CIMAP1D: variants seen among roughly 807,000 people sequenced by gnomAD.
The protein encoded by CIMAP1D is CIMAP1 family member D.
At chr19:468,944 C>T in the CIMAP1D span, among the ~76,000 whole-genome samples, 2 of 137,428 alleles carry the variant, frequency 1.5e-5, no homozygotes, top group Non-Finnish European at 3.2e-5. Context: ...CAGACCTCCC[C>T]GAAACGTCAT....
the CIMAP1D span, among the ~76,000 whole-genome samples, chr19:481,237 G>GA: frequency 6.9e-6 from 1 of 144,110 alleles, no homozygotes; most frequent in Admixed American, 6.8e-5. Flanking sequence ...AGGATGATGG[G>GA]AAGGATGATG....
the CIMAP1D span, chr19:472,339 T>C: frequency 3.7e-6 from 4 of 1,088,322 alleles, no homozygotes; most frequent in Non-Finnish European, 5.1e-6. Context: ...TCAGTGCTCC[T>C]GGGGGGAGAT....
At chr19:481,464 G>A in the CIMAP1D span, among the ~76,000 whole-genome samples, 3 of 107,792 alleles carry the variant, frequency 2.8e-5, no homozygotes, top group Non-Finnish European at 5.4e-5. Flanking sequence ...AGGATGATGG[G>A]AAGGATGATG....
At chr19:474,995 G>A in the CIMAP1D span, 10 of 401,392 alleles carry the variant, frequency 2.5e-5, no homozygotes, top group South Asian at 2.5e-4. Flanking sequence ...TCGGCCAGGC[G>A]GCTGGATGGT....
chr19:473,975 C>G, the CIMAP1D span, among the ~76,000 whole-genome samples: 8 of 149,750 alleles, frequency 5.3e-5, no homozygotes, highest in Non-Finnish European at 1.0e-4. Flanking sequence ...GATACACGGT[C>G]ACAGATGGGG....
the CIMAP1D span, among the ~76,000 whole-genome samples, chr19:488,094 C>T: frequency 8.5e-5 from 13 of 152,290 alleles, no homozygotes; most frequent in Admixed American, 3.3e-4. Context: ...ACAGGAATTG[C>T]TCACTCGGGG....
the CIMAP1D span, among the ~76,000 whole-genome samples, chr19:469,879 T>C: frequency 4.0e-4 from 61 of 152,088 alleles, 1 homozygote; most frequent in South Asian, 5.4e-3. Context: ...CCTTCCAGCC[T>C]TTTCTTCTGC....
chr19:484,547 G>C, the CIMAP1D span, among the ~76,000 whole-genome samples: 1 of 152,198 alleles, frequency 6.6e-6, no homozygotes, highest in Non-Finnish European at 1.5e-5. Flanking sequence ...CTTCACATAC[G>C]GTGGCCAGGA....
chr19:481,454 A>G, the CIMAP1D span, among the ~76,000 whole-genome samples: 1 of 107,736 alleles, frequency 9.3e-6, no homozygotes, highest in Non-Finnish European at 1.8e-5. Flanking sequence ...ATGATGGGGA[A>G]GGATGATGGG....
At chr19:464,124 T>A in the CIMAP1D span, 13 of 522,830 alleles carry the variant, frequency 2.5e-5, no homozygotes, top group South Asian at 2.5e-4. Flanking sequence ...CTCAGCAGGA[T>A]CCTGCGGGGG....
the CIMAP1D span, among the ~76,000 whole-genome samples, chr19:481,567 A>C: frequency 7.3e-6 from 1 of 137,486 alleles, no homozygotes; most frequent in East Asian, 2.3e-4. Flanking sequence ...GATGGGAAGG[A>C]TGGTGGGAAG....
chr19:478,352 T>C, the CIMAP1D span, among the ~76,000 whole-genome samples: 4 of 96,690 alleles, frequency 4.1e-5, no homozygotes, highest in Non-Finnish European at 6.4e-5. Flanking sequence ...GCCAGAGACT[T>C]GGTTCCAGCC....
chr19:469,223 CTT>C, the CIMAP1D span, among the ~76,000 whole-genome samples: 13 of 143,386 alleles, frequency 9.1e-5, no homozygotes, highest in Non-Finnish European at 1.1e-4. Context: ...TGGGGAGATT[CTT>C]TTTTTTTTTT....
chr19:482,998 G>A, the CIMAP1D span, among the ~76,000 whole-genome samples: 1 of 152,180 alleles, frequency 6.6e-6, no homozygotes, highest in African/African-American at 2.4e-5. Flanking sequence ...CTGCACCACT[G>A]TGCATGTGTT....
the CIMAP1D span, among the ~76,000 whole-genome samples, chr19:479,622 C>T: frequency 6.6e-6 from 1 of 152,266 alleles, no homozygotes; most frequent in African/African-American, 2.4e-5. Context: ...CCAGGCTGGT[C>T]TCGATCTCCT....
At chr19:464,066 G>A in the CIMAP1D span, 958 of 1,578,670 alleles carry the variant, frequency 6.1e-4, 7 homozygotes, top group African/African-American at 0.011. Context: ...GCAGGCGCTG[G>A]CGGTAGGTGT....
the CIMAP1D span, among the ~76,000 whole-genome samples, chr19:483,360 G>T: frequency 2.0e-5 from 3 of 151,870 alleles, no homozygotes; most frequent in Non-Finnish European, 4.4e-5. Flanking sequence ...ATGACCATGG[G>T]AAGCCCTACA....
chr19:472,549 A>T, the CIMAP1D span: 18 of 1,354,378 alleles, frequency 1.3e-5, no homozygotes, highest in Non-Finnish European at 1.8e-5. Flanking sequence ...GATTCCCCGA[A>T]GAAGGAGCCC....
At chr19:491,576 A>G in the CIMAP1D span, among the ~76,000 whole-genome samples, 1 of 151,928 alleles carries the variant, frequency 6.6e-6, no homozygotes, top group African/African-American at 2.4e-5. Flanking sequence ...CCAAGGCGTC[A>G]GAGCAGCTGA....
Sources: allele counts gnomAD v4.1 joint callset (sites outside exome capture counted in the v4.1 genomes callset), GRCh38; gene constraint gnomAD v4.1.1; transcripts MANE v1.5; gene names NCBI Gene and HGNC (gene_info 2026-07-23, HGNC 2026-07-21).